Variants in CPNE4 observed in about 807,000 individuals in gnomAD.
CPNE4 encodes copine-4.
In CPNE4, 25 loss-of-function variants were observed where a neutral mutation model predicts 67.9. That is an observed-to-expected ratio of 0.37 (90% CI 0.27 to 0.51). The LOEUF is 0.51. Among genes scored for constraint, CPNE4 ranks in the 20% least tolerant of loss-of-function variants. The pLI is 0.93. For synonymous variants in CPNE4, 242 were observed against 244.9 expected (o/e 0.99, Z 0.11); for missense variants, 464 against 690.8 (o/e 0.67, Z 3.68).
intron 2 of CPNE4, among the ~76,000 whole-genome samples, chr3:131,737,927 A>G (rs1020795300): frequency 6.6e-6 from 1 of 152,108 alleles, no homozygotes; most frequent in African/African-American, 2.4e-5. Flanking sequence ...CCAATTAGCA[A>G]TTTTTACTGA....
intron 2 of CPNE4, among the ~76,000 whole-genome samples, chr3:131,751,180 G>A (rs2082615579): frequency 6.6e-6 from 1 of 152,066 alleles, no homozygotes; most frequent in East Asian, 1.9e-4. Flanking sequence ...TGAAGCTGTA[G>A]GTTTACATCT....
chr3:131,930,757 G>A (rs1024076550), intron 1 of CPNE4, among the ~76,000 whole-genome samples: 1 of 152,080 alleles, frequency 6.6e-6, no homozygotes, highest in African/African-American at 2.4e-5. Context: ...CCTCACATAT[G>A]GGAGCTTAAA....
intron 3 of CPNE4, among the ~76,000 whole-genome samples, chr3:131,705,251 C>T (rs949861044): frequency 3.3e-5 from 5 of 152,100 alleles, no homozygotes; most frequent in African/African-American, 2.4e-5. Flanking sequence ...TACCACTCCC[C>T]CGTCCAACAG....
intron 7 of CPNE4, among the ~76,000 whole-genome samples, chr3:131,612,822 G>A (rs1939929936): frequency 6.6e-6 from 1 of 152,076 alleles, no homozygotes; most frequent in Admixed American, 6.5e-5. Context: ...CCTATTGTTG[G>A]TCTCCAGTCT....
intron 3 of CPNE4, among the ~76,000 whole-genome samples, chr3:131,718,454 C>T (rs528467204): frequency 2.2e-4 from 34 of 152,238 alleles, no homozygotes; most frequent in African/African-American, 6.5e-4. Flanking sequence ...CTCACTTGAC[C>T]GCTCACCCAC....
chr3:131,801,386 TG>T lies in CPNE4; in HGVS notation c.181-77762del, dbSNP rs1491551641. Among the ~76,000 whole-genome samples the T allele has an allele frequency of 7.0e-4, 59 of 84,430 alleles. 1 individual carries two copies. Among genetic ancestry groups the T allele is most frequent in the African/African-American group, 2.9e-3 (55 of 19,228 alleles). 55.4% of individuals were successfully genotyped at this position (84,430 alleles called of 152,430 possible). The stretch of plus-strand genomic sequence containing the variant: ...TATATATGTACCATATATATATATA[TG>T]GTACATATATATATAGGTACATATA... On this transcript the variant is annotated intron_variant, in intron 2 of 15. Transcript: ENST00000429747.
intron 2 of CPNE4, among the ~76,000 whole-genome samples, chr3:131,845,657 C>T (rs975452211): frequency 6.6e-6 from 1 of 152,160 alleles, no homozygotes; most frequent in Non-Finnish European, 1.5e-5. Context: ...TACTTCCACT[C>T]ATTGCCTTTA....
chr3:131,566,017 G>A (rs1333943923), intron 10 of CPNE4, among the ~76,000 whole-genome samples: 1 of 151,872 alleles, frequency 6.6e-6, no homozygotes, highest in Non-Finnish European at 1.5e-5. Context: ...GTGACATAGG[G>A]TAACAGGGCT....
chr3:131,735,416 C>T (rs2082212659), intron 2 of CPNE4, among the ~76,000 whole-genome samples: 1 of 152,292 alleles, frequency 6.6e-6, no homozygotes, highest in East Asian at 1.9e-4. Context: ...ACAGGCAGCT[C>T]CAGAAAGTAA....
chr3:131,796,293 A>C (rs1209801285), intron 2 of CPNE4, among the ~76,000 whole-genome samples: 3 of 152,196 alleles, frequency 2.0e-5, no homozygotes, highest in Admixed American at 1.3e-4. Flanking sequence ...TTAACGACGT[A>C]GCAGGGTTAG....
chr3:131,623,302 T>A (rs1312086562), intron 7 of CPNE4, among the ~76,000 whole-genome samples: 1 of 152,142 alleles, frequency 6.6e-6, no homozygotes, highest in Non-Finnish European at 1.5e-5. Context: ...AATCCTTCAT[T>A]GGGTGATGAT....
intron 2 of CPNE4, among the ~76,000 whole-genome samples, chr3:131,812,334 G>A (rs996786346): frequency 2.0e-5 from 3 of 152,044 alleles, no homozygotes; most frequent in African/African-American, 7.2e-5. Context: ...GAGAGTGGAG[G>A]GCAGGTACAA....
At chr3:131,728,735 C>A (rs1418105884) in intron 2 of CPNE4, among the ~76,000 whole-genome samples, 1 of 151,628 alleles carries the variant, frequency 6.6e-6, no homozygotes, top group Non-Finnish European at 1.5e-5. Flanking sequence ...ATGGTGAAAC[C>A]CCGTCTCTAC....
chr3:131,733,208 A>T (rs922678623), intron 2 of CPNE4, among the ~76,000 whole-genome samples: 1 of 152,170 alleles, frequency 6.6e-6, no homozygotes, highest in African/African-American at 2.4e-5. Flanking sequence ...AAGAAGACAA[A>T]TATATTCAGG....
chr3:131,614,030 C>T (rs182044882), intron 7 of CPNE4, among the ~76,000 whole-genome samples: 25 of 152,256 alleles, frequency 1.6e-4, no homozygotes, highest in Non-Finnish European at 3.2e-4. Flanking sequence ...TCACCAGCCC[C>T]GCATAGAGAA....
chr3:131,945,453 A>C (rs1419875885), intron 1 of CPNE4, among the ~76,000 whole-genome samples: 3 of 152,176 alleles, frequency 2.0e-5, no homozygotes, highest in Non-Finnish European at 4.4e-5. Context: ...GCTCTCAGCC[A>C]ATGACAGAAT....
intron 2 of CPNE4, among the ~76,000 whole-genome samples, chr3:131,899,673 G>A (rs897960448): frequency 6.6e-6 from 1 of 152,028 alleles, no homozygotes; most frequent in Non-Finnish European, 1.5e-5. Context: ...TAGAATATAC[G>A]TAAATTAACT....
chr3:131,968,301 A>T (rs11709817), intron 1 of CPNE4, among the ~76,000 whole-genome samples: 1 of 152,036 alleles, frequency 6.6e-6, no homozygotes, highest in Non-Finnish European at 1.5e-5. Context: ...GGCATGGGCA[A>T]AGACTTCATG....
chr3:131,620,263 T>C (rs777685760), intron 7 of CPNE4, among the ~76,000 whole-genome samples: 10 of 152,206 alleles, frequency 6.6e-5, no homozygotes, highest in Non-Finnish European at 1.0e-4. Context: ...TGTAATTGTT[T>C]GGTTAATTTA....
Sources: gnomAD v4.1 joint callset for allele counts (sites outside exome capture counted in the v4.1 genomes callset) on GRCh38, gnomAD v4.1.1 for gene constraint, MANE v1.5 for transcripts, NCBI Gene and HGNC (gene_info 2026-07-23, HGNC 2026-07-21) for gene names.